DNAI7: variants seen among roughly 807,000 people sequenced by gnomAD.
DNAI7 encodes dynein axonemal intermediate chain 7.
In DNAI7, 78 loss-of-function variants were observed where a neutral mutation model predicts 86.6. That is an observed-to-expected ratio of 0.90 (90% CI 0.75 to 1.09). DNAI7 has a LOEUF of 1.09. DNAI7 is among the 50% of genes least tolerant of loss of function. The probability of loss-of-function intolerance (pLI) is 0.00; values close to 1 mark genes in which losing one functional copy is unlikely to be tolerated. For synonymous variants in DNAI7, 274 were observed against 273.0 expected (o/e 1.00, Z -0.04); for missense variants, 753 against 810.2 (o/e 0.93, Z 0.86).
chr12:25,181,964 A>G lies in DNAI7; in HGVS notation c.21+8650T>C, dbSNP rs181464182. Among the ~76,000 whole-genome samples the G allele has an allele frequency of 2.6e-5, 4 of 152,352 alleles. No individual in the cohort carries two copies. In the East Asian group the frequency reaches 7.7e-4, roughly 29 times the overall value. ...TGAAAACAATATGAAGATTTATTAA[A>G]GAATTTAAAATAAACCTACCATTCA... is the stretch of plus-strand genomic sequence containing the variant. On this transcript the variant is annotated intron_variant, in intron 2 of 15. Transcript: ENST00000395987.
At chr12:25,172,806 A>C (rs1948290425) in intron 2 of DNAI7, among the ~76,000 whole-genome samples, 1 of 152,184 alleles carries the variant, frequency 6.6e-6, no homozygotes. Flanking sequence ...CCAAATACTT[A>C]CAACTAACTG....
chr12:25,177,913 C>T (rs558342362), intron 2 of DNAI7, among the ~76,000 whole-genome samples: 8 of 149,356 alleles, frequency 5.4e-5, no homozygotes, highest in Admixed American at 2.0e-4. Flanking sequence ...GCATTAAATG[C>T]ATTTCTAATT....
chr12:25,139,866 A>T (rs1291801862), intron 9 of DNAI7, among the ~76,000 whole-genome samples: 8 of 152,322 alleles, frequency 5.3e-5, no homozygotes, highest in South Asian at 2.1e-4. Flanking sequence ...TACATTTTTT[A>T]AAAAAGATAA....
At chr12:25,169,455 T>G (rs1340044467) in intron 2 of DNAI7, among the ~76,000 whole-genome samples, 1 of 152,210 alleles carries the variant, frequency 6.6e-6, no homozygotes, top group Non-Finnish European at 1.5e-5. Flanking sequence ...TCCAGGTGAT[T>G]AAAAAGCTTT....
chr12:25,158,503 T>TTG lies in DNAI7; in HGVS notation c.166_167insCA (p.Glu56AlafsTer14), dbSNP rs1450047369. On this transcript the variant is annotated frameshift_variant, in exon 4 of 16. Coordinates refer to ENST00000395987, the MANE Select transcript of DNAI7 (RefSeq NM_018272.5). LOFTEE classifies it high-confidence loss of function. The stretch of plus-strand genomic sequence containing the variant: ...TTCAAGTCGATGCCATTTTTCTTTC[T>TTG]CAATTCGCTGTATTTCAAGCCTTTC... The TTG allele has an allele frequency of 6.2e-7, 1 of 1,613,266 alleles. No individual in the cohort carries two copies. Among genetic ancestry groups the TTG allele is most frequent in the Admixed American group, 1.7e-5 (1 of 60,004 alleles).
chr12:25,119,413 CTATT>C (rs1940829956), intron 11 of DNAI7, 112 bp from the exon 12 acceptor site: 2 of 594,686 alleles, frequency 3.4e-6, no homozygotes, highest in Admixed American at 3.1e-5. Flanking sequence ...CAGTTTGATC[CTATT>C]TATATATAGA....
At chr12:25,129,480 T>C (rs1158676192) in intron 9 of DNAI7, among the ~76,000 whole-genome samples, 1 of 152,294 alleles carries the variant, frequency 6.6e-6, no homozygotes, top group Middle Eastern at 3.4e-3. Flanking sequence ...AAACATACAT[T>C]TGTGGCACAT....
At chr12:25,166,702 T>C (rs1947518767) in intron 2 of DNAI7, among the ~76,000 whole-genome samples, 1 of 152,104 alleles carries the variant, frequency 6.6e-6, no homozygotes, top group Non-Finnish European at 1.5e-5. Flanking sequence ...GTGGTCAGAA[T>C]TCTTACACAA....
At chr12:25,161,476 A>G (rs1946831075) in intron 2 of DNAI7, among the ~76,000 whole-genome samples, 1 of 152,210 alleles carries the variant, frequency 6.6e-6, no homozygotes, top group African/African-American at 2.4e-5. Context: ...CCCAGTTTCC[A>G]TATCTTTAAA....
chr12:25,190,228 T>C (rs967948448), intron 2 of DNAI7, among the ~76,000 whole-genome samples: 1 of 152,140 alleles, frequency 6.6e-6, no homozygotes, highest in Non-Finnish European at 1.5e-5. Context: ...CATTTAAAGT[T>C]GTATTACCTC....
At chr12:25,181,522 C>CA (rs1949501318) in intron 2 of DNAI7, among the ~76,000 whole-genome samples, 1 of 151,918 alleles carries the variant, frequency 6.6e-6, no homozygotes, top group South Asian at 2.1e-4. Context: ...GCAATTGCAA[C>CA]AAAAACAAAA....
intron 13 of DNAI7, 34 bp downstream of exon 13, chr12:25,114,622 A>C (rs1438579639): frequency 1.4e-6 from 2 of 1,421,734 alleles, no homozygotes; most frequent in Non-Finnish European, 9.9e-7. Flanking sequence ...TACCTCTGAT[A>C]CGATAGTACA....
In DNAI7 at chr12:25,179,451, GA is replaced by G. The variant is rs200956263; in HGVS notation, c.21+11162del. 6.2e-3 allele frequency among the ~76,000 whole-genome samples: 942 copies of G among 152,218 alleles called. 10 individuals are homozygous for G. Among genetic ancestry groups the G allele is most frequent in the African/African-American group, 0.021 (881 of 41,532 alleles). ...CATTATTCTATTAATTATTGAAAGA[GA>G]AAATCTTCCACTATGATTGTGGATG... On this transcript the variant is annotated intron_variant, in intron 2 of 15. Coordinates refer to ENST00000395987, the MANE Select transcript of DNAI7 (RefSeq NM_018272.5).
At position 25,147,476 on chromosome 12, in the gene DNAI7, A is replaced by ACCCCCC. The variant is rs139493103; in HGVS notation, c.586-373_586-372insGGGGGG. On this transcript the variant is annotated intron_variant, in intron 7 of 15. Transcript: ENST00000395987. ...AGAAAAGCCTGGGCAACATAATGAG[A>ACCCCCC]CCACCCCCATCTCTACAAAAAATTA... Among the ~76,000 whole-genome samples, 54 of 148,110 alleles carry ACCCCCC rather than the reference A, an allele frequency of 3.6e-4. 1 individual carries two copies. The highest frequency in any genetic ancestry group is 1.3e-3 in the South Asian group (6 of 4,552).
chr12:25,153,371 A>C (rs1311399643), intron 6 of DNAI7, among the ~76,000 whole-genome samples: 1 of 152,234 alleles, frequency 6.6e-6, no homozygotes, highest in African/African-American at 2.4e-5. Flanking sequence ...CGGTAAGCCG[A>C]GATCACGCCA....
intron 4 of DNAI7, among the ~76,000 whole-genome samples, chr12:25,156,327 G>A (rs1946170005): frequency 6.6e-6 from 1 of 152,164 alleles, no homozygotes; most frequent in African/African-American, 2.4e-5. Context: ...ATGAATGAAT[G>A]GAGTGTGTCA....
intron 2 of DNAI7, among the ~76,000 whole-genome samples, chr12:25,182,451 T>C (rs1488945365): frequency 6.6e-6 from 1 of 151,284 alleles, no homozygotes; most frequent in Non-Finnish European, 1.5e-5. Context: ...CAACAGTGGA[T>C]TGGATAAAGA....
chr12:25,130,028 C>T (rs1048419549), intron 9 of DNAI7, among the ~76,000 whole-genome samples: 17 of 151,896 alleles, frequency 1.1e-4, no homozygotes, highest in African/African-American at 4.1e-4. Context: ...TCCCAAAGTG[C>T]TGGGATTATA....
rs1945259132 is a variant in DNAI7 at position 25,149,609 on chromosome 12, A to C, written c.585+19T>G. On this transcript the variant is annotated intron_variant, in intron 7 of 15. Transcript: ENST00000395987. ...TAGCTCTTATAAAACTTAATATATAAGCAAAATATCACACTTACTTTGAGA... is the reference window on the plus strand; with the variant it reads ...TAGCTCTTATAAAACTTAATATATACGCAAAATATCACACTTACTTTGAGA... 5 of 1,564,052 alleles carry C rather than the reference A, an allele frequency of 3.2e-6. No individual in the cohort carries two copies. Among genetic ancestry groups the C allele is most frequent in the Middle Eastern group, 1.7e-4 (1 of 5,772 alleles).
Sources: gnomAD v4.1 joint callset for allele counts (sites outside exome capture counted in the v4.1 genomes callset) on GRCh38, gnomAD v4.1.1 for gene constraint, MANE v1.5 for transcripts, NCBI Gene and HGNC (gene_info 2026-07-23, HGNC 2026-07-21) for gene names.